The following SNCAIP variants were observed in gnomAD, a reference collection of about 807,000 sequenced individuals.
The protein encoded by SNCAIP is synphilin-1.
In SNCAIP, 43 loss-of-function variants were observed where a neutral mutation model predicts 86.7. That is an observed-to-expected ratio of 0.50 (90% CI 0.39 to 0.64). SNCAIP has a LOEUF of 0.64. Among genes scored for constraint, SNCAIP ranks in the 30% least tolerant of loss-of-function variants. SNCAIP has a pLI of 0.00. For synonymous variants in SNCAIP, 417 were observed against 427.2 expected (o/e 0.98, Z 0.29); for missense variants, 981 against 1,103.1 (o/e 0.89, Z 1.57).
chr5:122,367,641 A>T (rs1172269134), intron 1 of SNCAIP, among the ~76,000 whole-genome samples: 1 of 152,086 alleles, frequency 6.6e-6, no homozygotes, highest in Admixed American at 6.5e-5. Flanking sequence ...TTTGCCAAGG[A>T]ACTGCACTTA....
intron 1 of SNCAIP, among the ~76,000 whole-genome samples, chr5:122,372,496 G>A (rs1199477783): frequency 6.6e-6 from 1 of 152,128 alleles, no homozygotes; most frequent in Non-Finnish European, 1.5e-5. Flanking sequence ...ACAAGCAAAT[G>A]CAGTAGAGGG....
chr5:122,432,758 A>G (rs932529423), intron 6 of SNCAIP, among the ~76,000 whole-genome samples: 3 of 152,088 alleles, frequency 2.0e-5, no homozygotes, highest in African/African-American at 7.2e-5. Flanking sequence ...CAGTGTTTGC[A>G]GTTAAAAAAA....
chr5:122,385,384 C>T (rs1256452783), intron 1 of SNCAIP, among the ~76,000 whole-genome samples: 1 of 152,134 alleles, frequency 6.6e-6, no homozygotes, highest in Non-Finnish European at 1.5e-5. Context: ...TTTCTTGCCT[C>T]TATCATTTTT....
intron 5 of SNCAIP, among the ~76,000 whole-genome samples, chr5:122,425,957 TG>T (rs1777297602): frequency 6.6e-6 from 1 of 152,236 alleles, no homozygotes; most frequent in East Asian, 1.9e-4. Flanking sequence ...GGATCACATC[TG>T]AAGTTTGAGT....
intron 1 of SNCAIP, among the ~76,000 whole-genome samples, chr5:122,358,826 A>G (rs1174311509): frequency 2.6e-5 from 4 of 152,058 alleles, no homozygotes; most frequent in Non-Finnish European, 4.4e-5. Context: ...TAAAAGCAGC[A>G]CCCTCTCGCT....
At chr5:122,401,187 G>A in intron 2 of SNCAIP, 4 of 1,471,428 alleles carry the variant, frequency 2.7e-6, no homozygotes, top group Non-Finnish European at 2.7e-6. Flanking sequence ...CTGGGATGAA[G>A]GCCTGGGAAG....
At chr5:122,369,723 G>A (rs1443600774) in intron 1 of SNCAIP, 1 of 152,046 alleles carries the variant, frequency 6.6e-6, no homozygotes, top group Non-Finnish European at 1.5e-5. Flanking sequence ...CACCTTCCTT[G>A]GTGAAGGATG....
intron 3 of SNCAIP, among the ~76,000 whole-genome samples, chr5:122,415,198 T>A (rs1775054227): frequency 6.6e-6 from 1 of 152,242 alleles, no homozygotes. Context: ...TGTATGCCAC[T>A]GCACCTGCCT....
At chr5:122,368,484 C>G (rs1763621904) in intron 1 of SNCAIP, among the ~76,000 whole-genome samples, 3 of 152,198 alleles carry the variant, frequency 2.0e-5, no homozygotes, top group African/African-American at 7.2e-5. Flanking sequence ...TCTACTCAAG[C>G]CCATGCCACA....
Position 122,463,738 on chromosome 5 carries a change from T to G in SNCAIP, c.*242T>G. The G allele has an allele frequency of 2.0e-6, 1 of 508,858 alleles. No individual in the cohort carries two copies. The highest frequency in any genetic ancestry group is 3.5e-6 in the Non-Finnish European group (1 of 288,106). 31.5% of individuals were successfully genotyped at this position (508,858 alleles called of 1,614,324 possible). A position where few individuals can be genotyped will look rare whatever the true frequency, so the allele number is the denominator to read the frequency against. On this transcript the variant is annotated 3_prime_UTR_variant, in exon 11 of 11. Transcript: ENST00000261368. ...AGTAGTAGACTGTAAAAGATTCATT[T>G]TGGGGTGATATCTGTATATATAACT...
intron 4 of SNCAIP, among the ~76,000 whole-genome samples, chr5:122,424,692 C>A (rs1777025276): frequency 6.6e-6 from 1 of 152,150 alleles, no homozygotes; most frequent in African/African-American, 2.4e-5. Flanking sequence ...TCATTCCTTT[C>A]TTTTGTCCTT....
At chr5:122,338,601 G>A (rs1457683139) in intron 1 of SNCAIP, among the ~76,000 whole-genome samples, 2 of 152,068 alleles carry the variant, frequency 1.3e-5, no homozygotes, top group Non-Finnish European at 2.9e-5. Flanking sequence ...ATTTATAAAG[G>A]TTGTGAATGA....
intron 1 of SNCAIP, among the ~76,000 whole-genome samples, chr5:122,341,385 C>T (rs1271653724): frequency 1.3e-5 from 2 of 152,178 alleles, no homozygotes; most frequent in Non-Finnish European, 2.9e-5. Flanking sequence ...CGGAAGTGCA[C>T]ACTCTGAAAT....
chr5:122,332,432 T>C (rs1386997862), intron 1 of SNCAIP, among the ~76,000 whole-genome samples: 2 of 152,174 alleles, frequency 1.3e-5, no homozygotes, highest in Non-Finnish European at 2.9e-5. Flanking sequence ...CCAGAGCATA[T>C]ACCTTGAAGC....
At chr5:122,452,787 C>T (rs1310056914) in intron 10 of SNCAIP, 1 of 599,030 alleles carries the variant, frequency 1.7e-6, no homozygotes, top group Non-Finnish European at 3.1e-6. Flanking sequence ...ATCTCAATTG[C>T]CCATGCTCCT....
chr5:122,378,282 G>C (rs1765815178), intron 1 of SNCAIP, among the ~76,000 whole-genome samples: 1 of 143,084 alleles, frequency 7.0e-6, no homozygotes, highest in African/African-American at 2.6e-5. Flanking sequence ...GCATTTCTCT[G>C]ATGGCCAGTG....
At chr5:122,435,199 C>T (rs1779164621) in intron 6 of SNCAIP, among the ~76,000 whole-genome samples, 1 of 152,112 alleles carries the variant, frequency 6.6e-6, no homozygotes, top group Non-Finnish European at 1.5e-5. Flanking sequence ...GCAGAACTAG[C>T]CACAGGGAAT....
intron 10 of SNCAIP, among the ~76,000 whole-genome samples, chr5:122,455,735 G>A (rs1434851465): frequency 1.3e-5 from 2 of 152,146 alleles, no homozygotes; most frequent in Admixed American, 6.5e-5. Flanking sequence ...TTTAAAGAAT[G>A]TCTGCTCTGT....
chr5:122,402,887 G>A (rs924036400), intron 2 of SNCAIP, among the ~76,000 whole-genome samples: 5 of 152,272 alleles, frequency 3.3e-5, no homozygotes, highest in African/African-American at 9.6e-5. Context: ...AAGCAAAATA[G>A]TTTCAGGGAG....
Sources: allele counts gnomAD v4.1 joint callset (sites outside exome capture counted in the v4.1 genomes callset), GRCh38; gene constraint gnomAD v4.1.1; transcripts MANE v1.5; gene names NCBI Gene and HGNC (gene_info 2026-07-23, HGNC 2026-07-21).